ZBTB40: variants seen among roughly 807,000 people sequenced by gnomAD.
The protein encoded by ZBTB40 is zinc finger and BTB domain-containing protein 40.
Under a neutral mutation model 117.5 loss-of-function variants are expected in ZBTB40, and 60 were observed. The ratio of observed to expected loss-of-function variants is 0.51; its 90% CI spans 0.41 to 0.63. The LOEUF (loss-of-function observed/expected upper bound fraction) is 0.63. Among genes scored for constraint, ZBTB40 ranks in the 30% least tolerant of loss-of-function variants. The pLI, the probability that ZBTB40 is intolerant of heterozygous loss-of-function variation, is 0.00. For missense variants in ZBTB40, 1,287 were observed against 1,498.5 expected, an observed-to-expected ratio of 0.86 and a Z score of 2.33; for synonymous variants, 525 against 577.1, an observed-to-expected ratio of 0.91 and a Z score of 1.29.
In ZBTB40 at chr1:22,509,060, A is replaced by C. The variant is rs528066709; in HGVS notation, c.1700-40A>C. ...AAGGGTGTAGGAAAAAATGGTGCTC[A>C]TTGTTTGCCTAATGAGTTTTTGATC... On this transcript the variant is annotated intron_variant, in intron 8 of 17. Coordinates refer to ENST00000375647, the MANE Select transcript of ZBTB40 (RefSeq NM_014870.4). 11 of 1,614,062 alleles carry C rather than the reference A, an allele frequency of 6.8e-6. No homozygotes were observed. The African/African-American group carries it at 1.1e-4, about 16-fold the overall frequency.
Position 22,513,889 on chromosome 1 carries a change from G to A in ZBTB40, c.2668+759G>A, listed in dbSNP as rs958589531. ...GTCATTGTGGTTTTTGCCATTAAAA[G>A]TTATAGAGAATTTACATAAAATTAT... On this transcript the variant is annotated intron_variant, in intron 12 of 17. Coordinates refer to ENST00000375647, the MANE Select transcript of ZBTB40 (RefSeq NM_014870.4). This position sits in a 1 kb window ranked among gnomAD's most constrained non-coding sequence, Gnocchi z 4.9. 2.0e-5 allele frequency among the ~76,000 whole-genome samples: 3 copies of A among 152,158 alleles called. No individual in the cohort carries two copies. Among genetic ancestry groups the A allele is most frequent in the East Asian group, 1.9e-4 (1 of 5,198 alleles).
intron 1 of ZBTB40, among the ~76,000 whole-genome samples, chr1:22,481,260 A>G (rs968377767): frequency 6.6e-6 from 1 of 152,134 alleles, no homozygotes; most frequent in Non-Finnish European, 1.5e-5. Flanking sequence ...CATTTTGCCA[A>G]AAGTCTGTTT....
At chr1:22,498,084 T>G (rs921306840) in intron 3 of ZBTB40, among the ~76,000 whole-genome samples, 1 of 152,200 alleles carries the variant, frequency 6.6e-6, no homozygotes, top group Non-Finnish European at 1.5e-5. Flanking sequence ...TTTTCACTTA[T>G]AGAGGGAAAA....
chr1:22,443,110 G>T (rs1167627051), intron 1 of ZBTB40, among the ~76,000 whole-genome samples: 3 of 152,158 alleles, frequency 2.0e-5, no homozygotes. Flanking sequence ...AGAACGTTAC[G>T]TTCTCTCTCG....
At chr1:22,495,351 G>T (rs78296352) in intron 3 of ZBTB40, among the ~76,000 whole-genome samples, 3,762 of 152,244 alleles carry the variant, frequency 0.025, 83 homozygotes, top group Non-Finnish European at 0.037. Context: ...CATGTCTTCT[G>T]CCTGTCTTTA....
At chr1:22,521,755 A>T (rs41266033) in intron 15 of ZBTB40, 97 bp downstream of exon 15, 63 of 1,547,850 alleles carry the variant, frequency 4.1e-5, no homozygotes, top group Non-Finnish European at 5.3e-5. Context: ...GTCTAGTGTG[A>T]TGTGCAGTGG....
intron 1 of ZBTB40, among the ~76,000 whole-genome samples, chr1:22,485,902 T>C (rs987999276): frequency 5.9e-5 from 9 of 152,204 alleles, no homozygotes; most frequent in African/African-American, 2.2e-4. Flanking sequence ...GATTCTTTCT[T>C]AGAATTTCCA....
chr1:22,433,964 C>A (rs533223101), intron 1 of ZBTB40, among the ~76,000 whole-genome samples: 1 of 151,854 alleles, frequency 6.6e-6, no homozygotes, highest in South Asian at 2.1e-4. Flanking sequence ...AGTACACATG[C>A]AGGTATGTAT....
chr1:22,450,447 ACC>A (rs1640847005), upstream of ZBTB40, among the ~76,000 whole-genome samples: 1 of 152,118 alleles, frequency 6.6e-6, no homozygotes, highest in Admixed American at 6.5e-5. Flanking sequence ...AGTAAATCCG[ACC>A]CTGAATGTAA....
At chr1:22,432,804 G>A (rs74060223) in intron 1 of ZBTB40, among the ~76,000 whole-genome samples, 7,218 of 152,288 alleles carry the variant, frequency 0.047, 588 homozygotes, top group African/African-American at 0.16. Flanking sequence ...CAACTGTAAT[G>A]TAAGTGCAGC....
chr1:22,490,073 T>A lies in ZBTB40; in HGVS notation c.125T>A (p.Leu42Gln). ...TIYFRAHKLVLAAASLLFKTL... is the reference protein window; with the variant it reads ...TIYFRAHKLVQAAASLLFKTL... ...TACTTCAGGGCTCACAAGCTTGTCC[T>A]GGCTGCTGCCAGCCTCCTGTTCAAA... The change falls in exon 2 of 18, where the codon CTG becomes CAG. Residue 42 changes from leucine to glutamine, a missense_variant. By Grantham distance (113) the Leu-to-Gln change is moderately radical (BLOSUM62 -2). Coordinates refer to ENST00000375647, the MANE Select transcript of ZBTB40 (RefSeq NM_014870.4). 1.2e-6 allele frequency: 2 copies of A among 1,614,210 alleles called. No homozygotes were observed. Among genetic ancestry groups the A allele is most frequent in the Non-Finnish European group, 8.5e-7 (1 of 1,180,024 alleles).
At chr1:22,457,434 G>C (rs1300697301) in intron 1 of ZBTB40, among the ~76,000 whole-genome samples, 2 of 152,132 alleles carry the variant, frequency 1.3e-5, no homozygotes, top group Non-Finnish European at 2.9e-5. Context: ...ACTCCTATAG[G>C]CCAGAGTTTG....
Position 22,490,377 on chromosome 1 carries a change from G to T in ZBTB40, c.429G>T (p.Lys143Asn). The change falls in exon 2 of 18, where the codon AAG (lysine) becomes AAT (asparagine). Residue 143 changes from lysine to asparagine, a missense_variant. Around this residue, in one of 2 missense-constraint regions of ZBTB40, gnomAD observed 870 missense variants for 934.4 expected, o/e 0.93. Transcript: ENST00000375647. ...AGACATTCAGAAAGGAACCAGAGAA[G>T]CCTCAAGTAGAAATCCTTTCATCTG... Reference protein sequence around the residue: ...SSETFRKEPEKPQVEILSSEG... With the variant: ...SSETFRKEPENPQVEILSSEG... 1 of 1,613,982 alleles carries T rather than the reference G, an allele frequency of 6.2e-7. No individual in the cohort carries two copies. The highest frequency in any genetic ancestry group is 8.5e-7 in the Non-Finnish European group (1 of 1,179,902).
chr1:22,478,595 T>G (rs901055690), intron 1 of ZBTB40, among the ~76,000 whole-genome samples: 1 of 152,172 alleles, frequency 6.6e-6, no homozygotes, highest in Non-Finnish European at 1.5e-5. Flanking sequence ...AGTACCCACT[T>G]CATAGGGTTG....
chr1:22,518,895 G>A (rs1232817302), intron 13 of ZBTB40, among the ~76,000 whole-genome samples: 2 of 152,194 alleles, frequency 1.3e-5, no homozygotes, highest in Non-Finnish European at 2.9e-5. Context: ...TGGGCGTCAG[G>A]AAAGGGGAAG....
intron 1 of ZBTB40, among the ~76,000 whole-genome samples, chr1:22,433,757 C>T (rs976141996): frequency 3.3e-5 from 5 of 151,200 alleles, no homozygotes; most frequent in African/African-American, 1.2e-4. Context: ...TTTAAAACTA[C>T]ATAATACAGC....
intron 1 of ZBTB40, among the ~76,000 whole-genome samples, chr1:22,453,696 G>T (rs554941527): frequency 6.6e-6 from 1 of 152,170 alleles, no homozygotes; most frequent in African/African-American, 2.4e-5. Context: ...ACAAACTCAC[G>T]TCGGAGAGAT....
In ZBTB40 at chr1:22,479,544, C is replaced by G. The variant is rs967155014; in HGVS notation, c.-69-10336C>G. 2.6e-5 allele frequency among the ~76,000 whole-genome samples: 4 copies of G among 152,210 alleles called. No homozygotes were observed. The South Asian group carries it at 8.3e-4, about 32-fold the overall frequency. Reference sequence around the variant, plus strand: ...GAGAAGTCTGTATCAGCCTAGTTGTCATTCTTTTGTAAATAATGTGTTTTC... The same window carrying G: ...GAGAAGTCTGTATCAGCCTAGTTGTGATTCTTTTGTAAATAATGTGTTTTC... On this transcript the variant is annotated intron_variant, in intron 1 of 17. Coordinates refer to ENST00000375647, the MANE Select transcript of ZBTB40 (RefSeq NM_014870.4).
intron 1 of ZBTB40, among the ~76,000 whole-genome samples, chr1:22,481,322 A>G (rs1034576530): frequency 6.6e-6 from 1 of 152,146 alleles, no homozygotes; most frequent in African/African-American, 2.4e-5. Flanking sequence ...AGACATTGCC[A>G]ACTTAGATTC....
Sources: allele counts gnomAD v4.1 joint callset (sites outside exome capture counted in the v4.1 genomes callset), GRCh38; gene constraint gnomAD v4.1.1; regional missense constraint gnomAD v4.1.1; non-coding constraint Gnocchi (gnomAD v3.1); transcripts MANE v1.5; gene names NCBI Gene and HGNC (gene_info 2026-07-23, HGNC 2026-07-21).